Variants in FAT3 observed in about 807,000 individuals in gnomAD.
The protein encoded by FAT3 is protocadherin Fat 3.
FAT3 carries 95 observed loss-of-function variants against 310.2 expected under a neutral mutation model. The ratio of observed to expected loss-of-function variants is 0.31; its 90% CI spans 0.26 to 0.36. The LOEUF (loss-of-function observed/expected upper bound fraction) is 0.36, where lower values mean the gene tolerates loss of function less well. FAT3 is among the 10% of genes least tolerant of loss of function. The pLI is 1.00. For missense variants in FAT3, 5,408 were observed against 5,715.6 expected (o/e 0.95, Z 1.74); for synonymous variants, 2,314 against 2,192.9 (o/e 1.06, Z -1.54).
intron 2 of FAT3, among the ~76,000 whole-genome samples, chr11:92,384,679 C>T (rs1417615771): frequency 6.6e-5 from 10 of 151,910 alleles, no homozygotes; most frequent in South Asian, 2.1e-4. Flanking sequence ...TCCTGATGTA[C>T]GGGTTAAAAA....
chr11:92,426,190 A>T (rs1950629074), intron 2 of FAT3, among the ~76,000 whole-genome samples: 1 of 152,104 alleles, frequency 6.6e-6, no homozygotes, highest in Admixed American at 6.5e-5. Context: ...GTCTTTTGAG[A>T]AGTGTCTGTT....
chr11:92,751,508 G>A (rs189410268), intron 4 of FAT3, among the ~76,000 whole-genome samples: 2 of 152,302 alleles, frequency 1.3e-5, no homozygotes, highest in Admixed American at 6.5e-5. Flanking sequence ...ATGTAACCAT[G>A]TAACAAGATA....
intron 1 of FAT3, among the ~76,000 whole-genome samples, chr11:92,309,137 GT>G (rs920755100): frequency 9.2e-5 from 14 of 152,150 alleles, no homozygotes; most frequent in African/African-American, 3.4e-4. Flanking sequence ...CAATTAGCTT[GT>G]TTTGTGTTAT....
rs1297503521 is a variant in FAT3 at position 92,880,844 on chromosome 11, A to T, written c.12241A>T (p.Thr4081Ser). 1 of 1,614,000 alleles carries T rather than the reference A, an allele frequency of 6.2e-7. No homozygotes were observed. The highest frequency in any genetic ancestry group is 8.5e-7 in the Non-Finnish European group (1 of 1,179,884). ...NGGSCDPIGN[T>S]FICNCKAGLT... is the part of the protein sequence containing the mutation. ...AGGATCCTGCGATCCAATAGGAAACACTTTCATCTGCAATTGTAAAGCTGG... is the reference window on the plus strand; with the variant it reads ...AGGATCCTGCGATCCAATAGGAAACTCTTTCATCTGCAATTGTAAAGCTGG... Residue 4081 changes from threonine (T) to serine (S), a missense_variant, in exon 23 of 28, where the codon ACT becomes TCT. Coordinates refer to ENST00000525166, the MANE Select transcript of FAT3 (RefSeq NM_001367949.2).
At chr11:92,561,250 C>CGTGTGT (rs66585879) in intron 3 of FAT3, among the ~76,000 whole-genome samples, 27,706 of 148,078 alleles carry the variant, frequency 0.19, 2,677 homozygotes, top group Non-Finnish European at 0.23. Context: ...CCTTCTACTT[C>CGTGTGT]GTGTGTGTGT....
At chr11:92,497,211 T>C (rs1952793589) in intron 2 of FAT3, among the ~76,000 whole-genome samples, 1 of 151,972 alleles carries the variant, frequency 6.6e-6, no homozygotes, top group Non-Finnish European at 1.5e-5. Flanking sequence ...TAGCCTTCCA[T>C]GGCACCAGAA....
intron 2 of FAT3, among the ~76,000 whole-genome samples, chr11:92,374,982 G>C (rs1002519697): frequency 6.6e-6 from 1 of 151,936 alleles, no homozygotes; most frequent in African/African-American, 2.4e-5. Flanking sequence ...ATTCTAGTTG[G>C]GAGCATAAAA....
chr11:92,432,658 A>G (rs533907877), intron 2 of FAT3, among the ~76,000 whole-genome samples: 1 of 152,236 alleles, frequency 6.6e-6, no homozygotes, highest in African/African-American at 2.4e-5. Context: ...AGGGTCACCT[A>G]CCAGATGCCA....
At chr11:92,859,987 G>A (rs1055577149) in intron 21 of FAT3, among the ~76,000 whole-genome samples, 2 of 152,104 alleles carry the variant, frequency 1.3e-5, no homozygotes, top group African/African-American at 2.4e-5. Flanking sequence ...CATCACATGA[G>A]GTCAGGAGTT....
chr11:92,717,746 A>T (rs1477835655), intron 4 of FAT3, among the ~76,000 whole-genome samples: 1 of 152,192 alleles, frequency 6.6e-6, no homozygotes, highest in Non-Finnish European at 1.5e-5. Context: ...TAAGATATGC[A>T]GGTTCTGTGG....
intron 4 of FAT3, among the ~76,000 whole-genome samples, chr11:92,754,831 G>A (rs938559418): frequency 2.6e-5 from 4 of 151,570 alleles, no homozygotes; most frequent in African/African-American, 7.3e-5. Flanking sequence ...TTGCGCCACC[G>A]CATTCCAGCC....
At chr11:92,334,663 G>T (rs551840694) in intron 1 of FAT3, among the ~76,000 whole-genome samples, 1 of 151,978 alleles carries the variant, frequency 6.6e-6, no homozygotes. Context: ...CACCCCACTT[G>T]CAAATAATGC....
At chr11:92,639,348 T>C (rs1166682449) in intron 3 of FAT3, among the ~76,000 whole-genome samples, 1 of 152,240 alleles carries the variant, frequency 6.6e-6, no homozygotes, top group Non-Finnish European at 1.5e-5. Flanking sequence ...TAATAAATTA[T>C]ACTATGAGAA....
At chr11:92,613,638 G>C (rs1284061949) in intron 3 of FAT3, among the ~76,000 whole-genome samples, 1 of 152,090 alleles carries the variant, frequency 6.6e-6, no homozygotes, top group African/African-American at 2.4e-5. Flanking sequence ...CTGTTTTGGA[G>C]CTGGCCTAGG....
At position 92,512,677 on chromosome 11, in the gene FAT3, T is replaced by G. The variant is rs1953338501; in HGVS notation, c.3293-11957T>G. ...TTCTTGGAAGGTCAGATAAACAACT[T>G]AGTGTTGGCTTGGTGGCATGGAACT... On this transcript the variant is annotated intron_variant, in intron 2 of 27. Transcript: ENST00000525166. Among the ~76,000 whole-genome samples, 15 of 150,284 alleles carry G rather than the reference T, an allele frequency of 1.0e-4. No homozygotes were observed. In the South Asian group the frequency reaches 3.1e-3, roughly 31 times the overall value.
chr11:92,528,442 A>C (rs749174655), intron 3 of FAT3, among the ~76,000 whole-genome samples: 8 of 152,144 alleles, frequency 5.3e-5, no homozygotes, highest in Non-Finnish European at 1.0e-4. Flanking sequence ...GCTGGAGTGC[A>C]TTGGCACGAT....
At chr11:92,857,606 G>A (rs1949015609) in intron 20 of FAT3, among the ~76,000 whole-genome samples, 2 of 152,154 alleles carry the variant, frequency 1.3e-5, no homozygotes, top group African/African-American at 4.8e-5. Context: ...TTTTTATCAT[G>A]TCTCATGGCT....
chr11:92,635,042 T>A (rs1565475213), intron 3 of FAT3, among the ~76,000 whole-genome samples: 1 of 152,154 alleles, frequency 6.6e-6, no homozygotes, highest in Non-Finnish European at 1.5e-5. Flanking sequence ...TACCTTGATA[T>A]CGGACTTCTA....
Position 92,354,654 on chromosome 11 carries a change from A to T in FAT3, c.2542A>T (p.Thr848Ser). 1 of 1,613,876 alleles carries T rather than the reference A, an allele frequency of 6.2e-7. No homozygotes were observed. Among genetic ancestry groups the T allele is most frequent in the Non-Finnish European group, 8.5e-7 (1 of 1,179,864 alleles). ...CATTCTTGAAAGTTCAGGCATTGGTACTGAAATCATTCAAGTGGAAGCCAG... is the reference window on the plus strand; with the variant it reads ...CATTCTTGAAAGTTCAGGCATTGGTTCTGAAATCATTCAAGTGGAAGCCAG... ...VNILESSGIG[T>S]EIIQVEARDK... The change falls in exon 2 of 28, where the codon ACT becomes TCT. Residue 848 changes from threonine (T) to serine (S), a missense_variant. Around this residue, in one of 5 missense-constraint regions of FAT3, gnomAD observed 4,588 missense variants for 4,809.8 expected, o/e 0.95. Transcript: ENST00000525166.
Sources: gnomAD v4.1 joint callset for allele counts (sites outside exome capture counted in the v4.1 genomes callset) on GRCh38, gnomAD v4.1.1 for gene constraint, gnomAD v4.1.1 regional missense constraint, MANE v1.5 for transcripts, NCBI Gene and HGNC (gene_info 2026-07-23, HGNC 2026-07-21) for gene names.